SDC2: variants seen among roughly 807,000 people sequenced by gnomAD.
SDC2 encodes the protein syndecan 2.
SDC2 carries 13 observed loss-of-function variants against 22.2 expected under a neutral mutation model. The ratio of observed to expected loss-of-function variants is 0.59; its 90% CI spans 0.38 to 0.93. The LOEUF (loss-of-function observed/expected upper bound fraction) is 0.93, where lower values mean the gene tolerates loss of function less well. Ranked by LOEUF, SDC2 falls within the 40% of genes least tolerant of loss-of-function variation. The pLI, the probability that SDC2 is intolerant of heterozygous loss-of-function variation, is 0.00. For missense variants in SDC2, 235 were observed against 246.8 expected, an observed-to-expected ratio of 0.95 and a Z score of 0.32; for synonymous variants, 94 against 92.8, an observed-to-expected ratio of 1.01 and a Z score of -0.07.
intron 1 of SDC2, among the ~76,000 whole-genome samples, chr8:96,573,364 C>T (rs959221023): frequency 8.1e-4 from 2 of 2,484 alleles, no homozygotes; most frequent in African/African-American, 2.1e-3. Flanking sequence ...AACCTGGGTG[C>T]TGTGCTTACA....
In SDC2 at chr8:96,508,221, G is replaced by A. The variant is rs183998008; in HGVS notation, c.60+13890G>A. Among the ~76,000 whole-genome samples, 372 of 151,610 alleles carry A rather than the reference G, an allele frequency of 2.5e-3. 2 individuals are homozygous for A. The highest frequency in any genetic ancestry group is 0.01 in the Middle Eastern group (3 of 292). ...TGAGGCAGGAGAATGGCATGAACCC[G>A]GGAGGCGGAGCTTGCAGTGAGCAGA... is the stretch of plus-strand genomic sequence containing the variant. On this transcript the variant is annotated intron_variant, in intron 1 of 4. Coordinates refer to ENST00000302190, the MANE Select transcript of SDC2 (RefSeq NM_002998.4).
intron 1 of SDC2, among the ~76,000 whole-genome samples, chr8:96,545,878 T>C (rs910758048): frequency 1.3e-5 from 2 of 152,168 alleles, no homozygotes; most frequent in Non-Finnish European, 2.9e-5. Context: ...CAGTCCTTAC[T>C]GTGTTAGATG....
In SDC2 at chr8:96,610,468, A is replaced by G. The variant is rs899797771; in HGVS notation, c.*920A>G. On this transcript the variant is annotated 3_prime_UTR_variant, in exon 5 of 5. Coordinates refer to ENST00000302190, the MANE Select transcript of SDC2 (RefSeq NM_002998.4). ...AAGCCTTTGAAGTGCCTCTGATTCTATGTAACTTGTTGCAGACTGGTGTTA... is the reference window on the plus strand; with the variant it reads ...AAGCCTTTGAAGTGCCTCTGATTCTGTGTAACTTGTTGCAGACTGGTGTTA... 2 of 152,620 alleles carry G rather than the reference A, an allele frequency of 1.3e-5. No homozygotes were observed. Among genetic ancestry groups the G allele is most frequent in the African/African-American group, 2.4e-5 (1 of 41,448 alleles). The allele number at this position is 152,620 out of a possible 1,614,324, so 9.5% of individuals were successfully genotyped here.
intron 1 of SDC2, among the ~76,000 whole-genome samples, chr8:96,533,147 C>T (rs560268681): frequency 9.2e-5 from 14 of 152,252 alleles, no homozygotes; most frequent in African/African-American, 3.4e-4. Flanking sequence ...TGTTACAGCT[C>T]ATAAAGGTGG....
At chr8:96,550,948 G>A (rs1814016240) in intron 1 of SDC2, among the ~76,000 whole-genome samples, 1 of 152,088 alleles carries the variant, frequency 6.6e-6, no homozygotes. Flanking sequence ...TAGTCTTTGT[G>A]ATCATCTGAC....
chr8:96,513,533 A>G (rs1335379089), intron 1 of SDC2, among the ~76,000 whole-genome samples: 1 of 152,272 alleles, frequency 6.6e-6, no homozygotes, highest in Non-Finnish European at 1.5e-5. Context: ...TTCATTCAAT[A>G]GAACCTTTTA....
rs562369893 is a variant in SDC2, at chr8:96,550,042, A to G, written c.61-43438A>G. ...GTGTATAGTACTTCCAGATATAGAC[A>G]GCATAGATGGGTCTCTTAGCTCATC... On this transcript the variant is annotated intron_variant, in intron 1 of 4. Transcript: ENST00000302190. 7.9e-5 allele frequency among the ~76,000 whole-genome samples: 12 copies of G among 152,324 alleles called. No individual in the cohort carries two copies. In the South Asian group the frequency reaches 2.5e-3, roughly 32 times the overall value.
rs146686365 is a variant in SDC2, at chr8:96,534,634, G to A, written c.60+40303G>A. On this transcript the variant is annotated intron_variant, in intron 1 of 4. Coordinates refer to ENST00000302190, the MANE Select transcript of SDC2 (RefSeq NM_002998.4). ...TTATTTTTTGTAGAGACGAGGGCTCGTCATGTTGCCCAGGCTGATCTCAAA... is the reference window on the plus strand; with the variant it reads ...TTATTTTTTGTAGAGACGAGGGCTCATCATGTTGCCCAGGCTGATCTCAAA... Among the ~76,000 whole-genome samples the A allele has an allele frequency of 4.0e-4, 60 of 151,862 alleles. 1 individual carries two copies. In the East Asian group the frequency reaches 0.01, roughly 26 times the overall value.
intron 1 of SDC2, among the ~76,000 whole-genome samples, chr8:96,512,171 T>C (rs948409381): frequency 7.2e-5 from 11 of 152,218 alleles, no homozygotes; most frequent in African/African-American, 2.4e-4. Context: ...AGTCACGTGG[T>C]CACACAAGGT....
At position 96,500,700 on chromosome 8, in the gene SDC2, TTTC is replaced by T. The variant is rs537453895; in HGVS notation, c.60+6375_60+6377del. Among the ~76,000 whole-genome samples the T allele has an allele frequency of 9.0e-4, 135 of 150,250 alleles. 2 individuals are homozygous for T. Among genetic ancestry groups the T allele is most frequent in the Admixed American group, 1.7e-3 (25 of 15,140 alleles). The stretch of plus-strand genomic sequence containing the variant: ...AAAAAAAGAGTGGAAATGCATTAAA[TTTC>T]TTCTTTTAGCCATTGGGCTTTAGGT... On this transcript the variant is annotated intron_variant, in intron 1 of 4. Transcript: ENST00000302190.
At chr8:96,567,898 G>A (rs1814326996) in intron 1 of SDC2, among the ~76,000 whole-genome samples, 1 of 152,140 alleles carries the variant, frequency 6.6e-6, no homozygotes, top group Non-Finnish European at 1.5e-5. Flanking sequence ...AACTCCTGTA[G>A]AATGCAATGG....
Position 96,602,471 on chromosome 8 carries a change from T to C in SDC2, c.249T>C (p.Ala83=), listed in dbSNP as rs1247007722. 1 of 1,614,116 alleles carries C rather than the reference T, an allele frequency of 6.2e-7. No homozygotes were observed. Among genetic ancestry groups the C allele is most frequent in the Non-Finnish European group, 8.5e-7 (1 of 1,179,996 alleles). The part of the protein sequence containing the change: ...PLPKILLTSA[A]PKVETTTLNI... ...CAAAGATACTGTTGACTAGTGCTGC[T>C]CCAAAAGTGGAAACCACGACGCTGA... is the stretch of plus-strand genomic sequence containing the variant. Residue 83 remains alanine, a synonymous_variant, in exon 3 of 5, where the codon GCT becomes GCC. Coordinates refer to ENST00000302190, the MANE Select transcript of SDC2 (RefSeq NM_002998.4).
At chr8:96,569,272 G>C (rs1303275116) in intron 1 of SDC2, among the ~76,000 whole-genome samples, 1 of 152,226 alleles carries the variant, frequency 6.6e-6, no homozygotes, top group Non-Finnish European at 1.5e-5. Flanking sequence ...GCCTTCCAAA[G>C]TGTTGGGATT....
chr8:96,539,812 A>G (rs1178651493), intron 1 of SDC2, among the ~76,000 whole-genome samples: 1 of 152,146 alleles, frequency 6.6e-6, no homozygotes, highest in Non-Finnish European at 1.5e-5. Flanking sequence ...TCCCCTACCC[A>G]GGTTTTCCAA....
intron 1 of SDC2, among the ~76,000 whole-genome samples, chr8:96,574,498 C>G (rs185237293): frequency 6.6e-6 from 1 of 152,218 alleles, no homozygotes; most frequent in Non-Finnish European, 1.5e-5. Context: ...TAAATATTCT[C>G]TGCAGAAGTA....
Position 96,602,543 on chromosome 8 carries a change from C to T in SDC2, c.306+15C>T, listed in dbSNP as rs1815008866. The T allele has an allele frequency of 6.2e-7, 1 of 1,613,610 alleles. No homozygotes were observed. Among genetic ancestry groups the T allele is most frequent in the East Asian group, 2.2e-5 (1 of 44,878 alleles). ...CTCAGACAAAGGTGCGTTCTATTTT[C>T]CATTGCATTGCATTATCAGGTTATT... is the stretch of plus-strand genomic sequence containing the variant. On this transcript the variant is annotated intron_variant, in intron 3 of 4. Transcript: ENST00000302190.
At chr8:96,566,940 G>A (rs977040164) in intron 1 of SDC2, among the ~76,000 whole-genome samples, 5 of 152,004 alleles carry the variant, frequency 3.3e-5, no homozygotes, top group Admixed American at 3.3e-4. Context: ...TGCAACCTTT[G>A]CCTCTCAAGT....
intron 1 of SDC2, among the ~76,000 whole-genome samples, chr8:96,569,443 A>G (rs934587188): frequency 2.6e-5 from 4 of 152,194 alleles, no homozygotes; most frequent in African/African-American, 9.7e-5. Flanking sequence ...TTAGCAGAGT[A>G]TCTACCTCCT....
chr8:96,601,782 C>G (rs910778638), intron 2 of SDC2, among the ~76,000 whole-genome samples: 18 of 151,752 alleles, frequency 1.2e-4, no homozygotes, highest in African/African-American at 4.3e-4. Flanking sequence ...TTATTTTTGG[C>G]AGAGTCTCAC....
Sources: gnomAD v4.1 joint callset for allele counts (sites outside exome capture counted in the v4.1 genomes callset) on GRCh38, gnomAD v4.1.1 for gene constraint, MANE v1.5 for transcripts, NCBI Gene and HGNC (gene_info 2026-07-23, HGNC 2026-07-21) for gene names.